PRPF40B: variants seen among roughly 807,000 people sequenced by gnomAD.
PRPF40B encodes the protein pre-mRNA-processing factor 40 homolog B.
Under a neutral mutation model 124.5 loss-of-function variants are expected in PRPF40B, and 56 were observed. That is an observed-to-expected ratio of 0.45 (90% CI 0.36 to 0.56). The LOEUF is 0.56. PRPF40B is among the 20% of genes least tolerant of loss of function. The probability of loss-of-function intolerance (pLI) is 0.00; values close to 1 mark genes in which losing one functional copy is unlikely to be tolerated. For synonymous variants in PRPF40B, 443 were observed against 426.4 expected, an observed-to-expected ratio of 1.04 and a Z score of -0.48; for missense variants, 1,053 against 1,169.5, an observed-to-expected ratio of 0.90 and a Z score of 1.45.
Position 49,642,090 on chromosome 12 carries a change from C to T in PRPF40B, c.1884+66C>T, listed in dbSNP as rs754315876. On this transcript the variant is annotated intron_variant, in intron 19 of 25. Transcript: ENST00000548825. This position sits in a 1 kb window ranked among gnomAD's most constrained non-coding sequence, Gnocchi z 5.8. Reference sequence around the variant, plus strand: ...CTGTGTCTTGCTCCATTCCTTCTCACTCACTGTCCCACTGACTATATTCCC... The same window carrying T: ...CTGTGTCTTGCTCCATTCCTTCTCATTCACTGTCCCACTGACTATATTCCC... The T allele has an allele frequency of 6.2e-7, 1 of 1,603,284 alleles. No homozygotes were observed. The highest frequency in any genetic ancestry group is 8.5e-7 in the Non-Finnish European group (1 of 1,172,682).
At chr12:49,633,704 G>A (rs753773941) in intron 9 of PRPF40B, 43 bp downstream of exon 9, 1 of 1,613,876 alleles carries the variant, frequency 6.2e-7, no homozygotes, top group African/African-American at 1.3e-5. Context: ...TGGGGCACCT[G>A]GAGTGTGGAA....
In PRPF40B at chr12:49,636,841, G is replaced by A; in HGVS notation, c.1552G>A (p.Ala518Thr). ...ACGCCAACAACGCAAGAATCGGGAG[G>A]CCTTCCAGGTATCTTTGCTGTCCTT... ...ERRQQRKNRE[A>T]FQTFLDELHE... Residue 518 changes from alanine (A) to threonine (T), a missense_variant, in exon 16 of 26, where the codon GCC becomes ACC. Ala to Thr is a moderately conservative substitution (Grantham distance 58, BLOSUM62 0). Coordinates refer to ENST00000548825, the MANE Select transcript of PRPF40B (RefSeq NM_001031698.3). The A allele has an allele frequency of 6.2e-7, 1 of 1,613,922 alleles. No individual in the cohort carries two copies. Among genetic ancestry groups the A allele is most frequent in the Non-Finnish European group, 8.5e-7 (1 of 1,180,014 alleles).
At chr12:49,640,599 T>G (rs1247436700) in intron 18 of PRPF40B, 2 of 152,186 alleles carry the variant, frequency 1.3e-5, no homozygotes, top group Non-Finnish European at 2.9e-5. Flanking sequence ...TTACTCCTGG[T>G]TGCTTATTGG....
chr12:49,623,665 C>T (rs1362074620), intron 1 of PRPF40B, 72 bp downstream of exon 1: 5 of 1,160,942 alleles, frequency 4.3e-6, no homozygotes, highest in Admixed American at 9.6e-5. Context: ...GGGCCGTGGC[C>T]GATGGGGCGG....
chr12:49,643,219 C>T lies in PRPF40B; in HGVS notation c.2206-4C>T. 1.2e-6 allele frequency: 2 copies of T among 1,614,008 alleles called. No individual in the cohort carries two copies. The highest frequency in any genetic ancestry group is 1.7e-6 in the Non-Finnish European group (2 of 1,180,010). ...CACTGACATGTATCTGCTGATCTGCCCAGGGCTCTGAGTCAGAAGAAGAGG... is the reference window on the plus strand; with the variant it reads ...CACTGACATGTATCTGCTGATCTGCTCAGGGCTCTGAGTCAGAAGAAGAGG... On this transcript the variant is annotated splice_polypyrimidine_tract_variant and splice_region_variant and intron_variant, in intron 22 of 25. Transcript: ENST00000548825.
At chr12:49,633,150 T>C in intron 7 of PRPF40B, 26 bp downstream of exon 7, 2 of 1,555,944 alleles carry the variant, frequency 1.3e-6, no homozygotes, top group Non-Finnish European at 1.7e-6. Flanking sequence ...TTCTGGCCCT[T>C]CCTTTCAGCT....
chr12:49,636,660 G>A, intron 15 of PRPF40B, 56 bp from the exon 16 acceptor site: 3 of 1,608,706 alleles, frequency 1.9e-6, no homozygotes, highest in Non-Finnish European at 2.6e-6. Context: ...GGGTGCTGGG[G>A]TCTGAGAGGG....
intron 1 of PRPF40B, among the ~76,000 whole-genome samples, chr12:49,629,691 C>T (rs963009718): frequency 1.8e-4 from 27 of 152,202 alleles, no homozygotes; most frequent in African/African-American, 6.5e-4. Flanking sequence ...AAATTATGTA[C>T]ATGAGGAAAC....
Position 49,636,771 on chromosome 12 carries a change from G to A in PRPF40B, c.1482G>A (p.Glu494=), listed in dbSNP as rs1941866837. 6.2e-7 allele frequency: 1 copy of A among 1,614,254 alleles called. No homozygotes were observed. The highest frequency in any genetic ancestry group is 1.1e-5 in the South Asian group (1 of 91,088). The change falls in exon 16 of 26, where the codon GAG becomes GAA. Residue 494 remains glutamate, a synonymous_variant. Transcript: ENST00000548825. Reference sequence around the variant, plus strand: ...TTGAGGAGCACATCCGAGCTTTGGAGAGGGAAGAGGAGGAGGAACGGGAGC... The same window carrying A: ...TTGAGGAGCACATCCGAGCTTTGGAAAGGGAAGAGGAGGAGGAACGGGAGC... ...ICFEEHIRAL[E]REEEEERERA...
intron 8 of PRPF40B, 31 bp downstream of exon 8, chr12:49,633,578 G>A (rs1304924237): frequency 1.2e-6 from 2 of 1,614,122 alleles, no homozygotes; most frequent in African/African-American, 2.7e-5. Flanking sequence ...GCCAGGTCAG[G>A]AGCTCTGGGG....
rs779605493 is a variant in PRPF40B, at chr12:49,637,858, A to G, written c.1767+34A>G. 3 of 1,526,812 alleles carry G rather than the reference A, an allele frequency of 2.0e-6. No individual in the cohort carries two copies. The African/African-American group carries it at 4.1e-5, about 21-fold the overall frequency. The allele number at this position is 1,526,812 out of a possible 1,614,324, so 94.6% of individuals were successfully genotyped here. On this transcript the variant is annotated intron_variant, in intron 18 of 25. Transcript: ENST00000548825. Reference sequence around the variant, plus strand: ...GGCTGGGGTTATGGATGGATACAGGATGGATGCAGGGCACACTCCCTGCAG... The same window carrying G: ...GGCTGGGGTTATGGATGGATACAGGGTGGATGCAGGGCACACTCCCTGCAG...
In PRPF40B at chr12:49,631,981, A is replaced by C. The variant is rs1261302394; in HGVS notation, c.294+56A>C. 3 of 1,528,268 alleles carry C rather than the reference A, an allele frequency of 2.0e-6. No homozygotes were observed. Among genetic ancestry groups the C allele is most frequent in the Non-Finnish European group, 2.7e-6 (3 of 1,102,862 alleles). The allele number at this position is 1,528,268 out of a possible 1,614,324, so 94.7% of individuals were successfully genotyped here. A position where few individuals can be genotyped will look rare whatever the true frequency, so the allele number is the denominator to read the frequency against. The stretch of plus-strand genomic sequence containing the variant: ...TCTGCCCTGCAGTCCCGTGAGTCTG[A>C]CTTGGAATGCAGGACTATGACCTCC... On this transcript the variant is annotated intron_variant, in intron 4 of 25. Coordinates refer to ENST00000548825, the MANE Select transcript of PRPF40B (RefSeq NM_001031698.3). The surrounding 1 kb of genome is among the most constrained non-coding windows in gnomAD (Gnocchi z 4.3).
chr12:49,630,010 T>G (rs188954097), intron 1 of PRPF40B, among the ~76,000 whole-genome samples: 2 of 152,326 alleles, frequency 1.3e-5, no homozygotes, highest in Admixed American at 1.3e-4. Flanking sequence ...GGGAGGAAGC[T>G]GGTCATGAAG....
chr12:49,630,249 C>T (rs1038313878), intron 1 of PRPF40B, among the ~76,000 whole-genome samples: 1 of 152,200 alleles, frequency 6.6e-6, no homozygotes, highest in Non-Finnish European at 1.5e-5. Context: ...CAGTCTGTGC[C>T]TGTAGTGAAG....
At position 49,634,323 on chromosome 12, in the gene PRPF40B, G is replaced by T; in HGVS notation, c.813-9G>T. 6.2e-7 allele frequency: 1 copy of T among 1,614,166 alleles called. No individual in the cohort carries two copies. Among genetic ancestry groups the T allele is most frequent in the Non-Finnish European group, 8.5e-7 (1 of 1,180,028 alleles). On this transcript the variant is annotated splice_polypyrimidine_tract_variant and intron_variant, in intron 10 of 25. Coordinates refer to ENST00000548825, the MANE Select transcript of PRPF40B (RefSeq NM_001031698.3). Reference sequence around the variant, plus strand: ...GGGACCCTGTGGCTGAGTCCCCTGTGCCCTCCAGTTCTGGACAGCATCAGC... The same window carrying T: ...GGGACCCTGTGGCTGAGTCCCCTGTTCCCTCCAGTTCTGGACAGCATCAGC...
At chr12:49,632,549 G>C (rs944230659) in intron 4 of PRPF40B, 47 bp from the exon 5 acceptor site, 6 of 1,606,400 alleles carry the variant, frequency 3.7e-6, no homozygotes, top group Non-Finnish European at 5.1e-6. Context: ...GGTCCTGGGG[G>C]CCACTGGGCT....
chr12:49,644,284 T>C lies in PRPF40B; in HGVS notation c.*92T>C. ...GCCTCAGACTTCTTCCTTAGTCTGG[T>C]CTGTGTCCACTTTTTCTAAAGTAAC... On this transcript the variant is annotated 3_prime_UTR_variant, in exon 26 of 26. Transcript: ENST00000548825. The C allele has an allele frequency of 7.0e-7, 1 of 1,418,472 alleles. No homozygotes were observed. The allele number at this position is 1,418,472 out of a possible 1,614,324, so 87.9% of individuals were successfully genotyped here.
Position 49,642,706 on chromosome 12 carries a change from CA to C in PRPF40B, c.2118+32del, listed in dbSNP as rs1942838490. 6.2e-7 allele frequency: 1 copy of C among 1,602,938 alleles called. No individual in the cohort carries two copies. The highest frequency in any genetic ancestry group is 1.3e-5 in the African/African-American group (1 of 74,634). On this transcript the variant is annotated intron_variant, in intron 21 of 25. Transcript: ENST00000548825. This position sits in a 1 kb window ranked among gnomAD's most constrained non-coding sequence, Gnocchi z 5.8. ...GCAGGCTTGTCCTCTGGATCTGCCT[CA>C]GGCCCTTGAACTCATTAGACCAGTT...
In PRPF40B at chr12:49,630,584, GC is replaced by G; in HGVS notation, c.48del (p.Phe17SerfsTer7). ...DSGPRPPAAP[A>X]PFPPGPPMMP... ...TGGTCCCCGGCCCCCAGCAGCGCCT[GC>G]CCCCTTCCCACCGGGGCCCCCCATG... On this transcript the variant is annotated frameshift_variant, in exon 2 of 26. Coordinates refer to ENST00000548825, the MANE Select transcript of PRPF40B (RefSeq NM_001031698.3). LOFTEE classifies it high-confidence loss of function. The G allele has an allele frequency of 3.5e-6, 5 of 1,428,888 alleles. No homozygotes were observed. The highest frequency in any genetic ancestry group is 1.7e-4 in the Middle Eastern group (1 of 5,724). 88.5% of individuals were successfully genotyped at this position (1,428,888 alleles called of 1,614,324 possible). A position where few individuals can be genotyped will look rare whatever the true frequency, so the allele number is the denominator to read the frequency against.
Sources: gnomAD v4.1 joint callset for allele counts (sites outside exome capture counted in the v4.1 genomes callset) on GRCh38, gnomAD v4.1.1 for gene constraint, Gnocchi (gnomAD v3.1) non-coding constraint, MANE v1.5 for transcripts, NCBI Gene and HGNC (gene_info 2026-07-23, HGNC 2026-07-21) for gene names.